The following CADM2 variants were observed in gnomAD, a reference collection of about 807,000 sequenced individuals.
The protein encoded by CADM2 is immunoglobulin superfamily member 4D.
CADM2 carries 12 observed loss-of-function variants against 49.8 expected under a neutral mutation model. The observed-to-expected ratio is 0.24, with a 90% CI of 0.15 to 0.39. CADM2 has a LOEUF of 0.39. CADM2 is among the 10% of genes least tolerant of loss of function. The pLI is 1.00. For missense variants in CADM2, 378 were observed against 492.3 expected (o/e 0.77, Z 2.20); for synonymous variants, 214 against 175.4 (o/e 1.22, Z -1.74).
intron 8 of CADM2, among the ~76,000 whole-genome samples, chr3:86,003,343 A>G (rs1730402913): frequency 2.0e-5 from 3 of 152,166 alleles, no homozygotes; most frequent in South Asian, 2.1e-4. Flanking sequence ...GCTAGTTGCA[A>G]TAGAGTAATA....
chr3:85,767,558 C>T (rs767084040), intron 2 of CADM2, among the ~76,000 whole-genome samples: 28 of 152,090 alleles, frequency 1.8e-4, no homozygotes, highest in Non-Finnish European at 2.5e-4. Context: ...GTTGGATTAT[C>T]GTGATCTTTT....
At chr3:85,713,527 A>G (rs917081387) in intron 1 of CADM2, among the ~76,000 whole-genome samples, 1 of 152,166 alleles carries the variant, frequency 6.6e-6, no homozygotes, top group Non-Finnish European at 1.5e-5. Context: ...GCAGAAGAAC[A>G]TAAGAAAAAA....
chr3:85,268,429 G>T (rs1442869035), intron 1 of CADM2, among the ~76,000 whole-genome samples: 1 of 151,146 alleles, frequency 6.6e-6, no homozygotes, highest in Non-Finnish European at 1.5e-5. Flanking sequence ...AAAATGAAAG[G>T]TTTAAATACT....
intron 2 of CADM2, among the ~76,000 whole-genome samples, chr3:85,741,456 T>C (rs1321585016): frequency 1.3e-5 from 2 of 152,194 alleles, no homozygotes; most frequent in East Asian, 3.9e-4. Flanking sequence ...GATCACAAGG[T>C]CAGGAGTTCG....
intron 1 of CADM2, among the ~76,000 whole-genome samples, chr3:85,655,585 T>G (rs1183944710): frequency 1.3e-5 from 2 of 152,194 alleles, no homozygotes; most frequent in Non-Finnish European, 2.9e-5. Context: ...CACAAACGAT[T>G]TGTTAAAGTT....
intron 1 of CADM2, among the ~76,000 whole-genome samples, chr3:85,119,641 G>C (rs1005089234): frequency 1.3e-5 from 2 of 152,122 alleles, no homozygotes; most frequent in Non-Finnish European, 2.9e-5. Context: ...ATCATGGAAT[G>C]CTTTTCCATT....
intron 2 of CADM2, among the ~76,000 whole-genome samples, chr3:85,784,796 C>G (rs886604559): frequency 2.6e-5 from 4 of 152,036 alleles, no homozygotes; most frequent in Non-Finnish European, 5.9e-5. Context: ...TAATACTGGT[C>G]TCATAGGATG....
chr3:85,124,207 C>T (rs114262397), intron 1 of CADM2, among the ~76,000 whole-genome samples: 5 of 152,200 alleles, frequency 3.3e-5, no homozygotes, highest in Admixed American at 6.5e-5. Context: ...TTAAGAAGGA[C>T]GTTTATCTAT....
chr3:85,328,686 G>C (rs1321322997), intron 1 of CADM2, among the ~76,000 whole-genome samples: 1 of 152,120 alleles, frequency 6.6e-6, no homozygotes, highest in East Asian at 1.9e-4. Flanking sequence ...AGTGAAATTT[G>C]ATCCTTGAAC....
chr3:85,083,783 A>G (rs568627832), intron 1 of CADM2, among the ~76,000 whole-genome samples: 8 of 152,092 alleles, frequency 5.3e-5, no homozygotes, highest in Non-Finnish European at 7.4e-5. Flanking sequence ...TGAATTACCG[A>G]GCAAGCAAAA....
chr3:86,034,376 CT>C, intron 8 of CADM2, among the ~76,000 whole-genome samples: 1 of 152,006 alleles, frequency 6.6e-6, no homozygotes, highest in East Asian at 1.9e-4. Flanking sequence ...AGAATTAGTG[CT>C]TGTATAAAGG....
intron 1 of CADM2, among the ~76,000 whole-genome samples, chr3:85,714,174 C>G (rs1169142160): frequency 6.6e-6 from 1 of 152,134 alleles, no homozygotes; most frequent in Admixed American, 6.5e-5. Context: ...AACTGAATCC[C>G]TTAAATTATT....
At chr3:85,642,353 T>G (rs1484636416) in intron 1 of CADM2, among the ~76,000 whole-genome samples, 1 of 152,042 alleles carries the variant, frequency 6.6e-6, no homozygotes, top group Non-Finnish European at 1.5e-5. Flanking sequence ...AAGTATTATA[T>G]AGAGAAAATA....
intron 7 of CADM2, among the ~76,000 whole-genome samples, chr3:85,945,498 TC>T (rs1363919774): frequency 6.6e-6 from 1 of 151,936 alleles, no homozygotes; most frequent in Non-Finnish European, 1.5e-5. Flanking sequence ...TAGACCCATA[TC>T]CCTGATGAAA....
At chr3:85,673,609 T>C (rs1481145371) in intron 1 of CADM2, among the ~76,000 whole-genome samples, 1 of 151,916 alleles carries the variant, frequency 6.6e-6, no homozygotes, top group Admixed American at 6.6e-5. Context: ...AGTGCTACTC[T>C]CTCTGGAGAG....
chr3:85,664,800 T>C (rs2065516037), intron 1 of CADM2, among the ~76,000 whole-genome samples: 1 of 152,018 alleles, frequency 6.6e-6, no homozygotes, highest in Admixed American at 6.6e-5. Context: ...ACCTCTATAA[T>C]TGAATTTCCC....
At chr3:85,729,575 T>C (rs1435804642) in intron 2 of CADM2, among the ~76,000 whole-genome samples, 1 of 152,056 alleles carries the variant, frequency 6.6e-6, no homozygotes, top group East Asian at 1.9e-4. Context: ...ACGCGTAAAT[T>C]TTGTATGTAG....
chr3:85,795,180 A>G (rs2071549253), intron 2 of CADM2, among the ~76,000 whole-genome samples: 1 of 152,262 alleles, frequency 6.6e-6, no homozygotes, highest in African/African-American at 2.4e-5. Flanking sequence ...CTGGTAGCAT[A>G]CTAATTTTGC....
intron 1 of CADM2, among the ~76,000 whole-genome samples, chr3:85,060,722 A>G (rs1002726888): frequency 1.3e-5 from 2 of 152,110 alleles, no homozygotes; most frequent in African/African-American, 4.8e-5. Flanking sequence ...TTTATGATGT[A>G]AGGATATTTT....
Sources: allele counts gnomAD v4.1 joint callset (sites outside exome capture counted in the v4.1 genomes callset), GRCh38; gene constraint gnomAD v4.1.1; transcripts MANE v1.5; gene names NCBI Gene and HGNC (gene_info 2026-07-23, HGNC 2026-07-21).